Variants in OTOS observed in about 807,000 individuals in gnomAD.
OTOS encodes the protein otospiralin.
OTOS carries 14 observed loss-of-function variants against 12.5 expected under a neutral mutation model. That is an observed-to-expected ratio of 1.12 (90% CI 0.74 to 1.76). The LOEUF (loss-of-function observed/expected upper bound fraction) is 1.76, where lower values mean the gene tolerates loss of function less well. Among genes scored for constraint, OTOS ranks in the 40% most tolerant of loss-of-function variants. The probability of loss-of-function intolerance (pLI) is 0.00; values close to 1 mark genes in which losing one functional copy is unlikely to be tolerated. For synonymous variants in OTOS, 49 were observed against 47.6 expected (o/e 1.03, Z -0.12); for missense variants, 141 against 112.8 (o/e 1.25, Z -1.13).
chr2:240,139,424 G>A (rs899580397), intron 3 of OTOS, 70 bp from the exon 4 acceptor site: 72 of 1,496,398 alleles, frequency 4.8e-5, no homozygotes, highest in Non-Finnish European at 6.0e-5. Context: ...ATCCTCAGAG[G>A]TCTCAAGGCA....
At position 240,139,057 on chromosome 2, in the gene OTOS, G is replaced by A. The variant is rs984243079; in HGVS notation, c.*113C>T. On this transcript the variant is annotated 3_prime_UTR_variant, in exon 4 of 4. Coordinates refer to ENST00000319460, the MANE Select transcript of OTOS (RefSeq NM_148961.4). ...ATCTTCAGTCCGGAGTTTATTGAGC[G>A]TGAGACCAGGCCTGACTCCTGCAGG... 4.3e-5 allele frequency: 49 copies of A among 1,147,002 alleles called. No individual in the cohort carries two copies. Among genetic ancestry groups the A allele is most frequent in the East Asian group, 7.6e-5 (3 of 39,632 alleles). 71.1% of individuals were successfully genotyped at this position (1,147,002 alleles called of 1,614,324 possible).
chr2:240,139,965 T>C (rs2291769), intron 3 of OTOS, 97 bp downstream of exon 3: 1 of 1,430,008 alleles, frequency 7.0e-7, no homozygotes, highest in Non-Finnish European at 9.6e-7. Context: ...CTGATGCGTC[T>C]GCTTGGGATA....
chr2:240,139,088 G>T lies in OTOS; in HGVS notation c.*82C>A. ...CCAGGCCTGACTCCTGCAGGGGCCAGGTTTTTGCGGGGACTCCATGCCTGT... is the reference window on the plus strand; with the variant it reads ...CCAGGCCTGACTCCTGCAGGGGCCATGTTTTTGCGGGGACTCCATGCCTGT... On this transcript the variant is annotated 3_prime_UTR_variant, in exon 4 of 4. Transcript: ENST00000319460. 1.4e-6 allele frequency: 2 copies of T among 1,476,696 alleles called. No homozygotes were observed. Among genetic ancestry groups the T allele is most frequent in the Admixed American group, 2.0e-5 (1 of 50,956 alleles). 91.5% of individuals were successfully genotyped at this position (1,476,696 alleles called of 1,614,324 possible).
In OTOS at chr2:240,139,082, G is replaced by T; in HGVS notation, c.*88C>A. The T allele has an allele frequency of 7.1e-7, 1 of 1,417,926 alleles. No homozygotes were observed. The highest frequency in any genetic ancestry group is 9.6e-7 in the Non-Finnish European group (1 of 1,039,250). The allele number at this position is 1,417,926 out of a possible 1,614,324, so 87.8% of individuals were successfully genotyped here. On this transcript the variant is annotated 3_prime_UTR_variant, in exon 4 of 4. Coordinates refer to ENST00000319460, the MANE Select transcript of OTOS (RefSeq NM_148961.4). ...GTGAGACCAGGCCTGACTCCTGCAG[G>T]GGCCAGGTTTTTGCGGGGACTCCAT...
chr2:240,139,926 A>G (rs2072039420), intron 3 of OTOS, 136 bp downstream of exon 3: 1 of 1,006,100 alleles, frequency 9.9e-7, no homozygotes, highest in Admixed American at 2.7e-5. Context: ...CATGTTTTCC[A>G]TGCTTGGGCC....
intron 2 of OTOS, 35 bp downstream of exon 2, chr2:240,140,234 C>G: frequency 6.3e-7 from 1 of 1,582,908 alleles, no homozygotes; most frequent in Non-Finnish European, 8.6e-7. Context: ...TGTCGGGGGT[C>G]CTGGTGGCTG....
Position 240,140,313 on chromosome 2 carries a change from A to T in OTOS, c.14T>A (p.Met5Lys). The change falls in exon 2 of 4, where the codon ATG (methionine) becomes AAG (lysine). Residue 5 changes from methionine (M) to lysine (K), a missense_variant. Physicochemically the swap from Met to Lys is moderately conservative, Grantham distance 95. Coordinates refer to ENST00000319460, the MANE Select transcript of OTOS (RefSeq NM_148961.4). MQACMVPGLALCLLL... is the reference protein window; with the variant it reads MQACKVPGLALCLLL... ...GAGGCAGAGGGCCAGCCCCGGCACC[A>T]TGCAGGCCTGCATCTTCCCGGTGCT... is the stretch of plus-strand genomic sequence containing the variant. 6 of 1,594,764 alleles carry T rather than the reference A, an allele frequency of 3.8e-6. No homozygotes were observed. The highest frequency in any genetic ancestry group is 4.3e-6 in the Non-Finnish European group (5 of 1,170,446).
rs1416481412 is a variant in OTOS, at chr2:240,139,126, G to T, written c.*44C>A. ...ACTCCATGCCTGTGGAGGCCCGACC[G>T]AGTGCAGCCTGGCGGGGTGGGCGGG... is the stretch of plus-strand genomic sequence containing the variant. On this transcript the variant is annotated 3_prime_UTR_variant, in exon 4 of 4. Coordinates refer to ENST00000319460, the MANE Select transcript of OTOS (RefSeq NM_148961.4). 4 of 1,589,016 alleles carry T rather than the reference G, an allele frequency of 2.5e-6. No individual in the cohort carries two copies. The highest frequency in any genetic ancestry group is 2.6e-6 in the Non-Finnish European group (3 of 1,164,480).
At chr2:240,139,419 C>T in intron 3 of OTOS, 65 bp from the exon 4 acceptor site, 4 of 1,512,468 alleles carry the variant, frequency 2.6e-6, no homozygotes, top group Middle Eastern at 1.8e-4. Context: ...ACACCATCCT[C>T]AGAGGTCTCA....
intron 3 of OTOS, among the ~76,000 whole-genome samples, chr2:240,139,765 G>C (rs2072037922): frequency 6.6e-6 from 1 of 152,190 alleles, no homozygotes; most frequent in Admixed American, 6.5e-5. Context: ...CCTGGGGGCT[G>C]GAACCCAGGT....
At position 240,139,090 on chromosome 2, in the gene OTOS, T is replaced by A. The variant is rs2072027498; in HGVS notation, c.*80A>T. 1 of 1,484,528 alleles carries A rather than the reference T, an allele frequency of 6.7e-7. No homozygotes were observed. Among genetic ancestry groups the A allele is most frequent in the African/African-American group, 1.4e-5 (1 of 71,456 alleles). 92.0% of individuals were successfully genotyped at this position (1,484,528 alleles called of 1,614,324 possible). A position where few individuals can be genotyped will look rare whatever the true frequency, so the allele number is the denominator to read the frequency against. On this transcript the variant is annotated 3_prime_UTR_variant, in exon 4 of 4. Coordinates refer to ENST00000319460, the MANE Select transcript of OTOS (RefSeq NM_148961.4). ...AGGCCTGACTCCTGCAGGGGCCAGG[T>A]TTTTGCGGGGACTCCATGCCTGTGG...
Position 240,140,302 on chromosome 2 carries a change from G to GC in OTOS, c.24dup (p.Leu9AlafsTer38), listed in dbSNP as rs781271187. ...GGCCCCAGTAGGAGGCAGAGGGCCA[G>GC]CCCCGGCACCATGCAGGCCTGCATC... On this transcript the variant is annotated frameshift_variant, in exon 2 of 4. Coordinates refer to ENST00000319460, the MANE Select transcript of OTOS (RefSeq NM_148961.4). LOFTEE classifies it high-confidence loss of function. The GC allele has an allele frequency of 6.3e-7, 1 of 1,596,164 alleles. No individual in the cohort carries two copies. Among genetic ancestry groups the GC allele is most frequent in the Non-Finnish European group, 8.5e-7 (1 of 1,171,288 alleles).
At chr2:240,139,970 G>A (rs2072039937) in intron 3 of OTOS, 92 bp downstream of exon 3, 2 of 1,463,024 alleles carry the variant, frequency 1.4e-6, no homozygotes, top group Middle Eastern at 1.8e-4. Flanking sequence ...GCGTCTGCTT[G>A]GGATAAGAAG....
intron 2 of OTOS, 82 bp downstream of exon 2, chr2:240,140,187 C>T: frequency 2.5e-6 from 4 of 1,593,586 alleles, no homozygotes; most frequent in Non-Finnish European, 3.4e-6. Flanking sequence ...TCCTAGCAGC[C>T]TGGGGATGCA....
Position 240,139,048 on chromosome 2 carries a change from T to G in OTOS, c.*122A>C. 2 of 1,033,082 alleles carry G rather than the reference T, an allele frequency of 1.9e-6. No homozygotes were observed. Among genetic ancestry groups the G allele is most frequent in the Non-Finnish European group, 2.8e-6 (2 of 724,570 alleles). 64.0% of individuals were successfully genotyped at this position (1,033,082 alleles called of 1,614,324 possible). A position where few individuals can be genotyped will look rare whatever the true frequency, so the allele number is the denominator to read the frequency against. ...TGGTTGTGCATCTTCAGTCCGGAGTTTATTGAGCGTGAGACCAGGCCTGAC... is the reference window on the plus strand; with the variant it reads ...TGGTTGTGCATCTTCAGTCCGGAGTGTATTGAGCGTGAGACCAGGCCTGAC... On this transcript the variant is annotated 3_prime_UTR_variant, in exon 4 of 4. Transcript: ENST00000319460.
At position 240,139,291 on chromosome 2, in the gene OTOS, T is replaced by G. The variant is rs767249556; in HGVS notation, c.149A>C (p.Tyr50Ser). The change falls in exon 4 of 4, where the codon TAT (tyrosine) becomes TCT (serine). Residue 50 changes from tyrosine (Y) to serine (S), a missense_variant. Physicochemically the swap from Tyr to Ser is moderately radical, Grantham distance 144. Coordinates refer to ENST00000319460, the MANE Select transcript of OTOS (RefSeq NM_148961.4). ...CCCCAGGGCCTGGAAGTGCTGCACA[T>G]AGTTCCAGAAGTCAGAGGTGGAGAA... ...WPFSTSDFWN[Y>S]VQHFQALGAY... is the part of the protein sequence containing the mutation. 13 of 1,613,982 alleles carry G rather than the reference T, an allele frequency of 8.1e-6. No individual in the cohort carries two copies.
intron 3 of OTOS, among the ~76,000 whole-genome samples, chr2:240,139,843 G>A (rs1042428580): frequency 2.0e-5 from 3 of 152,140 alleles, no homozygotes; most frequent in African/African-American, 7.2e-5. Context: ...CCTGGTGGCT[G>A]GAGGGCAGGG....
rs192278078 is a variant in OTOS, at chr2:240,139,497, A to T, written c.86-143T>A. 110 of 771,650 alleles carry T rather than the reference A, an allele frequency of 1.4e-4. No homozygotes were observed. The African/African-American group carries it at 1.7e-3, about 12-fold the overall frequency. 47.8% of individuals were successfully genotyped at this position (771,650 alleles called of 1,614,324 possible). A position where few individuals can be genotyped will look rare whatever the true frequency, so the allele number is the denominator to read the frequency against. ...CTTCCCAGAGTGGGGGCCTGAGCCC[A>T]TCCCCTCTCAGATCCTTGGGGATAT... On this transcript the variant is annotated intron_variant, in intron 3 of 3. Coordinates refer to ENST00000319460, the MANE Select transcript of OTOS (RefSeq NM_148961.4).
intron 3 of OTOS, 129 bp downstream of exon 3, chr2:240,139,933 G>A (rs928027543): frequency 4.3e-5 from 46 of 1,074,486 alleles, no homozygotes; most frequent in African/African-American, 8.0e-5. Flanking sequence ...TCCATGCTTG[G>A]GCCTGAGCTG....
Sources: gnomAD v4.1 joint callset for allele counts (sites outside exome capture counted in the v4.1 genomes callset) on GRCh38, gnomAD v4.1.1 for gene constraint, MANE v1.5 for transcripts, NCBI Gene and HGNC (gene_info 2026-07-23, HGNC 2026-07-21) for gene names.